NF1: variants seen among roughly 807,000 people sequenced by gnomAD.
NF1 encodes neurofibromin 1, also known as neurofibromin.
NF1 carries 122 observed loss-of-function variants against 325.7 expected under a neutral mutation model. The ratio of observed to expected loss-of-function variants is 0.37; its 90% CI spans 0.32 to 0.44. The LOEUF is 0.44. Among genes scored for constraint, NF1 ranks in the 20% least tolerant of loss-of-function variants. NF1 has a pLI of 1.00. For missense variants in NF1, 2,140 were observed against 3,415.4 expected, an observed-to-expected ratio of 0.63 and a Z score of 9.31; for synonymous variants, 1,091 against 1,186.0, an observed-to-expected ratio of 0.92 and a Z score of 1.65.
intron 1 of NF1, among the ~76,000 whole-genome samples, chr17:31,153,660 G>A (rs1462328269): frequency 1.3e-5 from 2 of 152,096 alleles, no homozygotes; most frequent in Non-Finnish European, 2.9e-5. Flanking sequence ...ATCTCGCTCT[G>A]TTGCCCAGGC....
chr17:31,217,206 T>C (rs2066833323), intron 13 of NF1, among the ~76,000 whole-genome samples: 1 of 152,178 alleles, frequency 6.6e-6, no homozygotes. Flanking sequence ...CGGTTTTGAA[T>C]TACAGATATA....
chr17:31,121,561 T>C (rs1234221071), intron 1 of NF1, among the ~76,000 whole-genome samples: 1 of 152,058 alleles, frequency 6.6e-6, no homozygotes, highest in Admixed American at 6.6e-5. Context: ...GCTGTGGGTT[T>C]GTTATAAATA....
chr17:31,332,414 A>C (rs1284690576), intron 39 of NF1, among the ~76,000 whole-genome samples: 9 of 152,008 alleles, frequency 5.9e-5, no homozygotes, highest in African/African-American at 2.2e-4. Flanking sequence ...CAGTGAGCCG[A>C]GATCACTCCA....
chr17:31,293,215 A>G (rs1409960168), intron 36 of NF1, among the ~76,000 whole-genome samples: 1 of 144,894 alleles, frequency 6.9e-6, no homozygotes, highest in Non-Finnish European at 1.5e-5. Flanking sequence ...AAAAAAAGAA[A>G]CCTACTTTCT....
Position 31,375,028 on chromosome 17 carries a change from A to ATAT in NF1, c.*874_*875insATT. On this transcript the variant is annotated 3_prime_UTR_variant, in exon 58 of 58. Coordinates refer to ENST00000358273, the MANE Select transcript of NF1 (RefSeq NM_001042492.3). ...GTATAGTAATTATATATATATATAT[A>ATAT]TTTTTTCCCCTCCCCCTCTTCTTTC... 1 of 171,462 alleles carries ATAT rather than the reference A, an allele frequency of 5.8e-6. No homozygotes were observed. Among genetic ancestry groups the ATAT allele is most frequent in the African/African-American group, 3.3e-5 (1 of 30,212 alleles). 10.6% of individuals were successfully genotyped at this position (171,462 alleles called of 1,614,324 possible).
chr17:31,095,378 C>T lies in NF1; in HGVS notation c.60+9C>T, dbSNP rs1460164894. On this transcript the variant is annotated intron_variant, in intron 1 of 57. Transcript: ENST00000358273. ...GCCGCTTCGACGAGCAGGTAACCGG[C>T]CCGTGGCGGGCGGGAGGTGGGAGCG... 5 of 1,538,350 alleles carry T rather than the reference C, an allele frequency of 3.3e-6. No homozygotes were observed. Among genetic ancestry groups the T allele is most frequent in the Non-Finnish European group, 4.4e-6 (5 of 1,146,060 alleles).
At position 31,249,962 on chromosome 17, in the gene NF1, G is replaced by C. The variant is rs185587871; in HGVS notation, c.4110+843G>C. On this transcript the variant is annotated intron_variant, in intron 30 of 57. Transcript: ENST00000358273. ...GTGTCTCTCTCTTTGCAGAGTCATC[G>C]CAGCCATTTGCTTTTTTAGCACACG... 67 of 489,840 alleles carry C rather than the reference G, an allele frequency of 1.4e-4. 1 individual carries two copies. Among genetic ancestry groups the C allele is most frequent in the African/African-American group, 1.2e-3 (62 of 51,390 alleles). 30.3% of individuals were successfully genotyped at this position (489,840 alleles called of 1,614,324 possible).
intron 11 of NF1, 92 bp from the exon 12 acceptor site, chr17:31,206,148 A>C: frequency 6.8e-7 from 1 of 1,466,046 alleles, no homozygotes. Flanking sequence ...TTCCCGACAA[A>C]AGGATAAAAC....
chr17:31,298,609 G>T (rs766233078), intron 36 of NF1, among the ~76,000 whole-genome samples: 1 of 151,970 alleles, frequency 6.6e-6, no homozygotes, highest in Non-Finnish European at 1.5e-5. Context: ...TTAAGAGTCC[G>T]CAACATAGAA....
intron 36 of NF1, among the ~76,000 whole-genome samples, chr17:31,322,092 T>TAC (rs1491535600): frequency 0.013 from 618 of 48,540 alleles, 1 homozygote; most frequent in Middle Eastern, 0.071. Flanking sequence ...GTAGTGTGTG[T>TAC]ATACACACAC....
At chr17:31,222,226 T>G (rs533060007) in intron 15 of NF1, 254 of 1,087,082 alleles carry the variant, frequency 2.3e-4, no homozygotes, top group Non-Finnish European at 2.8e-4. Flanking sequence ...CTACTGTATT[T>G]TTAATAGATT....
chr17:31,241,432 C>T (rs1044115337), intron 29 of NF1, among the ~76,000 whole-genome samples: 5 of 152,132 alleles, frequency 3.3e-5, no homozygotes, highest in African/African-American at 1.2e-4. Flanking sequence ...TCCTTTTCTT[C>T]CTTCCTGCCT....
intron 56 of NF1, 72 bp downstream of exon 56, chr17:31,359,087 A>G: frequency 8.4e-7 from 1 of 1,192,868 alleles, no homozygotes; most frequent in Non-Finnish European, 1.2e-6. Context: ...GCCTGCTTTA[A>G]GAACACACAA....
rs756983686 is a variant in NF1 at position 31,305,268 on chromosome 17, G to A, written c.4836-20552G>A. ...TGAACACGGCTTGCTGGGAGGAGGTGTTGGCTATTGGTGTTGGTTGTTTGG... is the reference window on the plus strand; with the variant it reads ...TGAACACGGCTTGCTGGGAGGAGGTATTGGCTATTGGTGTTGGTTGTTTGG... On this transcript the variant is annotated intron_variant, in intron 36 of 57. Coordinates refer to ENST00000358273, the MANE Select transcript of NF1 (RefSeq NM_001042492.3). 13 of 1,614,056 alleles carry A rather than the reference G, an allele frequency of 8.1e-6. No homozygotes were observed. In the Admixed American group the frequency reaches 2.2e-4, roughly 27 times the overall value.
chr17:31,100,008 T>A (rs1388212464), intron 1 of NF1, among the ~76,000 whole-genome samples: 59 of 130,702 alleles, frequency 4.5e-4, no homozygotes, highest in African/African-American at 5.1e-4. Flanking sequence ...ATATTTGAAC[T>A]AAAAAAAAAA....
intron 16 of NF1, among the ~76,000 whole-genome samples, chr17:31,223,914 A>G (rs775109161): frequency 6.6e-6 from 1 of 152,190 alleles, no homozygotes; most frequent in Non-Finnish European, 1.5e-5. Context: ...GACATAATTC[A>G]TACATAAAAT....
intron 39 of NF1, among the ~76,000 whole-genome samples, chr17:31,332,085 T>G (rs1267908814): frequency 3.3e-5 from 5 of 151,880 alleles, no homozygotes. Context: ...TACATAAAAC[T>G]TCAAAACATA....
intron 36 of NF1, among the ~76,000 whole-genome samples, chr17:31,285,702 G>A (rs1342779609): frequency 1.3e-5 from 2 of 152,146 alleles, no homozygotes; most frequent in Non-Finnish European, 2.9e-5. Flanking sequence ...AATTAGTAGA[G>A]TGTGGTGATG....
chr17:31,336,965 C>G lies in NF1; in HGVS notation c.6427+51C>G, dbSNP rs755701594. On this transcript the variant is annotated intron_variant, in intron 42 of 57. Coordinates refer to ENST00000358273, the MANE Select transcript of NF1 (RefSeq NM_001042492.3). This position sits in a 1 kb window ranked among gnomAD's most constrained non-coding sequence, Gnocchi z 5.5. ...TTTACCAGTTCCTTTCTCCATTTTA[C>G]TTCACCTGATCAATATAGATTATCT... 4 of 1,562,274 alleles carry G rather than the reference C, an allele frequency of 2.6e-6. No homozygotes were observed. The highest frequency in any genetic ancestry group is 1.4e-5 in the African/African-American group (1 of 73,988).
Sources: gnomAD v4.1 joint callset for allele counts (sites outside exome capture counted in the v4.1 genomes callset) on GRCh38, gnomAD v4.1.1 for gene constraint, Gnocchi (gnomAD v3.1) non-coding constraint, MANE v1.5 for transcripts, NCBI Gene and HGNC (gene_info 2026-07-23, HGNC 2026-07-21) for gene names.